Variants in ASCC1 observed in about 807,000 individuals in gnomAD.
ASCC1 encodes the protein ASC-1 complex subunit P50.
Under a neutral mutation model 46.6 loss-of-function variants are expected in ASCC1, and 35 were observed. That is an observed-to-expected ratio of 0.75 (90% CI 0.57 to 0.99). ASCC1 has a LOEUF of 0.99. Among genes scored for constraint, ASCC1 ranks in the 50% least tolerant of loss-of-function variants. The probability of loss-of-function intolerance (pLI) is 0.00; values close to 1 mark genes in which losing one functional copy is unlikely to be tolerated. For missense variants in ASCC1, 376 were observed against 428.7 expected (o/e 0.88, Z 1.09); for synonymous variants, 143 against 146.6 (o/e 0.98, Z 0.18).
At chr10:72,173,933 T>C (rs1039269771) in intron 5 of ASCC1, among the ~76,000 whole-genome samples, 5 of 152,240 alleles carry the variant, frequency 3.3e-5, no homozygotes, top group Non-Finnish European at 5.9e-5. Context: ...AAAGTTCTAA[T>C]GGTATTGACC....
At chr10:72,188,932 C>G (rs895427485) in intron 5 of ASCC1, among the ~76,000 whole-genome samples, 2 of 151,920 alleles carry the variant, frequency 1.3e-5, no homozygotes, top group African/African-American at 4.8e-5. Flanking sequence ...AATTTTTTAT[C>G]TGCTGTAGAG....
intron 7 of ASCC1, among the ~76,000 whole-genome samples, chr10:72,137,549 A>G (rs1846399602): frequency 6.9e-6 from 1 of 145,904 alleles, no homozygotes; most frequent in Non-Finnish European, 1.5e-5. Flanking sequence ...AAAAAAAAGG[A>G]AAAAACATAA....
chr10:72,173,747 C>T (rs533800170), intron 5 of ASCC1, among the ~76,000 whole-genome samples: 15 of 143,808 alleles, frequency 1.0e-4, no homozygotes, highest in African/African-American at 4.2e-4. Context: ...TTTCTTTGCT[C>T]GGAATATATC....
chr10:72,203,564 G>A, intron 3 of ASCC1, 40 bp from the exon 4 acceptor site: 1 of 1,413,454 alleles, frequency 7.1e-7, no homozygotes, highest in Non-Finnish European at 1.0e-6. Flanking sequence ...AAGTCAAAAT[G>A]TACCAAAATA....
At chr10:72,127,664 C>CTTTTTTTTTTTTTTTTT (rs3063665) in intron 9 of ASCC1, among the ~76,000 whole-genome samples, 1 of 130,008 alleles carries the variant, frequency 7.7e-6, no homozygotes. Flanking sequence ...CTAAGGGTTT[C>CTTTTTTTTTTTTTTTTT]TTTTTTTTTT....
intron 5 of ASCC1, among the ~76,000 whole-genome samples, chr10:72,172,500 TTTTTTTTC>T (rs917379982): frequency 2.7e-5 from 4 of 149,050 alleles, no homozygotes; most frequent in African/African-American, 4.9e-5. Context: ...GATGTTGGGC[TTTTTTTTC>T]TTTTTTTCTT....
At chr10:72,195,641 C>G (rs936926026) in intron 5 of ASCC1, among the ~76,000 whole-genome samples, 2 of 151,256 alleles carry the variant, frequency 1.3e-5, no homozygotes, top group Non-Finnish European at 2.9e-5. Flanking sequence ...GACTGACCAG[C>G]CTGACCAACA....
In ASCC1 at chr10:72,203,468, G is replaced by C. The variant is rs1444597841; in HGVS notation, c.269C>G (p.Thr90Ser). 3 of 1,613,406 alleles carry C rather than the reference G, an allele frequency of 1.9e-6. No homozygotes were observed. In the African/African-American group the frequency reaches 4.0e-5, roughly 22 times the overall value. Reference protein sequence around the residue: ...TRKKIEMETKTSISIPKPGQD... With the variant: ...TRKKIEMETKSSISIPKPGQD... Reference sequence around the variant, plus strand: ...TCCAGGTTTAGGAATGCTAATAGAAGTTTTGGTCTCCATTTCTATTTTCTT... The same window carrying C: ...TCCAGGTTTAGGAATGCTAATAGAACTTTTGGTCTCCATTTCTATTTTCTT... The change falls in exon 4 of 10, where the codon ACT becomes AGT. Residue 90 changes from threonine (T) to serine (S), a missense_variant. Transcript: ENST00000672957.
At chr10:72,172,898 ATT>A (rs1469282654) in intron 5 of ASCC1, among the ~76,000 whole-genome samples, 2 of 131,458 alleles carry the variant, frequency 1.5e-5, no homozygotes, top group African/African-American at 2.8e-5. Context: ...TATTATATAT[ATT>A]ATATATTATA....
At chr10:72,156,523 G>A (rs1002002929) in intron 6 of ASCC1, among the ~76,000 whole-genome samples, 42 of 152,188 alleles carry the variant, frequency 2.8e-4, no homozygotes, top group Admixed American at 2.7e-3. Context: ...AGAACTTCGG[G>A]AGGCTAAGGC....
At position 72,183,197 on chromosome 10, in the gene ASCC1, C is replaced by A. The variant is rs559134681; in HGVS notation, c.489+13614G>T. On this transcript the variant is annotated intron_variant, in intron 5 of 9. Transcript: ENST00000672957. ...TAGCTGGGATTACGGGCACCCGCCA[C>A]CATACAGGGCTAATTTTTGTATTTT... Among the ~76,000 whole-genome samples, 4 of 152,144 alleles carry A rather than the reference C, an allele frequency of 2.6e-5. No individual in the cohort carries two copies. In the East Asian group the frequency reaches 7.7e-4, roughly 29 times the overall value.
intron 9 of ASCC1, among the ~76,000 whole-genome samples, chr10:72,116,559 G>A (rs183235719): frequency 6.4e-4 from 98 of 152,216 alleles, no homozygotes; most frequent in East Asian, 1.9e-4. Flanking sequence ...TATCCTGAAC[G>A]TTTTGTTCTC....
rs1382955179 is a variant in ASCC1, at chr10:72,096,299, A to G, written c.*1035T>C. The G allele has an allele frequency of 2.2e-6, 1 of 454,022 alleles. No homozygotes were observed. Among genetic ancestry groups the G allele is most frequent in the South Asian group, 1.6e-5 (1 of 64,470 alleles). The allele number at this position is 454,022 out of a possible 1,614,324, so 28.1% of individuals were successfully genotyped here. On this transcript the variant is annotated 3_prime_UTR_variant, in exon 10 of 10. Transcript: ENST00000672957. ...GCTGGTCCGTGGTGAGGGAGGAGTGAGGGCCTCCTGTGGCTGACATTCTTC... is the reference window on the plus strand; with the variant it reads ...GCTGGTCCGTGGTGAGGGAGGAGTGGGGGCCTCCTGTGGCTGACATTCTTC...
intron 3 of ASCC1, among the ~76,000 whole-genome samples, chr10:72,205,734 T>C (rs2133410362): frequency 6.6e-6 from 1 of 152,042 alleles, no homozygotes; most frequent in South Asian, 2.1e-4. Flanking sequence ...AGACAGGGGT[T>C]GCAGTAAGCA....
intron 9 of ASCC1, among the ~76,000 whole-genome samples, chr10:72,108,889 C>T (rs751851480): frequency 6.6e-6 from 1 of 152,206 alleles, no homozygotes; most frequent in African/African-American, 2.4e-5. Flanking sequence ...TGACAGCTTA[C>T]AGGCTCTACA....
chr10:72,174,482 A>G (rs1409511300), intron 5 of ASCC1, among the ~76,000 whole-genome samples: 5 of 152,106 alleles, frequency 3.3e-5, no homozygotes, highest in Admixed American at 6.6e-5. Context: ...CACAGGTGCA[A>G]CTGCCAGAGC....
At chr10:72,168,466 T>C (rs988857554) in intron 5 of ASCC1, among the ~76,000 whole-genome samples, 2 of 152,196 alleles carry the variant, frequency 1.3e-5, no homozygotes, top group South Asian at 2.1e-4. Context: ...CTTTCATACA[T>C]TGCTAGCAGA....
chr10:72,201,050 C>T (rs12252396), intron 4 of ASCC1, among the ~76,000 whole-genome samples: 20,725 of 152,062 alleles, frequency 0.14, 4,010 homozygotes, highest in African/African-American at 0.43. Context: ...TGCTACACTG[C>T]ATGGATATAG....
chr10:72,125,630 A>G (rs1332937333), intron 9 of ASCC1, among the ~76,000 whole-genome samples: 1 of 152,182 alleles, frequency 6.6e-6, no homozygotes, highest in Admixed American at 6.5e-5. Context: ...GGTGGGAGGT[A>G]ACTGTTGGAG....
Sources: gnomAD v4.1 joint callset for allele counts (sites outside exome capture counted in the v4.1 genomes callset) on GRCh38, gnomAD v4.1.1 for gene constraint, MANE v1.5 for transcripts, NCBI Gene and HGNC (gene_info 2026-07-23, HGNC 2026-07-21) for gene names.